Variants in ALK observed in about 807,000 individuals in gnomAD.
ALK encodes the protein ALK tyrosine kinase receptor.
ALK carries 74 observed loss-of-function variants against 163.1 expected under a neutral mutation model. The ratio of observed to expected loss-of-function variants is 0.45; its 90% CI spans 0.38 to 0.55. The LOEUF is 0.55. Among genes scored for constraint, ALK ranks in the 20% least tolerant of loss-of-function variants. The probability of loss-of-function intolerance (pLI) is 0.00; values close to 1 mark genes in which losing one functional copy is unlikely to be tolerated. For synonymous variants in ALK, 960 were observed against 843.2 expected (o/e 1.14, Z -2.40); for missense variants, 2,063 against 2,105.3 (o/e 0.98, Z 0.39).
At chr2:29,250,511 G>A (rs1664789804) in intron 12 of ALK, among the ~76,000 whole-genome samples, 2 of 152,078 alleles carry the variant, frequency 1.3e-5, no homozygotes, top group African/African-American at 2.4e-5. Context: ...TTGCAATCAG[G>A]GTCTCCACCA....
chr2:29,835,623 C>G (rs544696912), intron 1 of ALK, among the ~76,000 whole-genome samples: 3 of 152,108 alleles, frequency 2.0e-5, no homozygotes, highest in Non-Finnish European at 4.4e-5. Context: ...GCCTGTGTCC[C>G]CACTCAAATC....
chr2:29,578,364 G>A (rs1363396839), intron 3 of ALK, among the ~76,000 whole-genome samples: 2 of 152,212 alleles, frequency 1.3e-5, no homozygotes, highest in South Asian at 2.1e-4. Flanking sequence ...AGCAGCATGA[G>A]AACAGACTAA....
At chr2:29,819,142 C>T (rs1444074720) in intron 1 of ALK, among the ~76,000 whole-genome samples, 1 of 152,206 alleles carries the variant, frequency 6.6e-6, no homozygotes, top group Admixed American at 6.5e-5. Context: ...GAATCTCAGC[C>T]TCCAACCAGA....
At chr2:29,618,254 TA>T (rs764837658) in intron 3 of ALK, among the ~76,000 whole-genome samples, 4 of 152,240 alleles carry the variant, frequency 2.6e-5, no homozygotes, top group Non-Finnish European at 5.9e-5. Context: ...AGTTGTGATT[TA>T]AGTACCAGAG....
chr2:29,544,171 C>A (rs981883404), intron 3 of ALK, among the ~76,000 whole-genome samples: 2 of 152,142 alleles, frequency 1.3e-5, no homozygotes, highest in Non-Finnish European at 2.9e-5. Flanking sequence ...AGAAGGAGTG[C>A]AGTGTAATGC....
chr2:29,755,181 G>A (rs559119316), intron 1 of ALK, among the ~76,000 whole-genome samples: 2 of 152,334 alleles, frequency 1.3e-5, no homozygotes, highest in African/African-American at 2.4e-5. Flanking sequence ...AGAAGCTGGC[G>A]ACCAGCACTG....
chr2:29,790,584 C>T (rs562053587), intron 1 of ALK, among the ~76,000 whole-genome samples: 40 of 152,256 alleles, frequency 2.6e-4, no homozygotes, highest in African/African-American at 9.4e-4. Flanking sequence ...GGAACACACA[C>T]ACACAAAATC....
chr2:29,479,297 C>A (rs190014674), intron 4 of ALK, among the ~76,000 whole-genome samples: 36 of 152,332 alleles, frequency 2.4e-4, no homozygotes, highest in South Asian at 1.2e-3. Flanking sequence ...TCTGAGACCT[C>A]AACCACAGCC....
chr2:29,765,455 G>A (rs144163819), intron 1 of ALK, among the ~76,000 whole-genome samples: 298 of 152,110 alleles, frequency 2.0e-3, no homozygotes, highest in Admixed American at 3.7e-3. Context: ...ATCAGAGTGA[G>A]CTTGCTTTTA....
At chr2:29,906,802 G>A (rs542450694) in intron 1 of ALK, among the ~76,000 whole-genome samples, 98 of 152,232 alleles carry the variant, frequency 6.4e-4, no homozygotes, top group Non-Finnish European at 1.1e-3. Flanking sequence ...AATGGTAGCT[G>A]TTATCATTAA....
intron 1 of ALK, among the ~76,000 whole-genome samples, chr2:29,752,718 T>C (rs545255729): frequency 3.3e-5 from 5 of 152,306 alleles, no homozygotes; most frequent in African/African-American, 1.2e-4. Context: ...GGAGCTTCTA[T>C]ACCCTGTTGT....
Position 29,227,074 on chromosome 2 carries a change from A to G in ALK, c.2915T>C (p.Val972Ala), listed in dbSNP as rs1664022802. The change falls in exon 18 of 29, where the codon GTG becomes GCG. Residue 972 changes from valine (V) to alanine (A), a missense_variant and splice_region_variant. Physicochemically the swap from Val to Ala is moderately conservative, Grantham distance 64. Transcript: ENST00000389048. This position sits in a 1 kb window ranked among gnomAD's most constrained non-coding sequence, Gnocchi z 4.4. ...LGILYTPALK[V>A]MEGHGEVNIK... ...ATTCACTTCCCCGTGGCCTTCCATC[A>G]CTAGTGACAAGGAGGGAGGGTCAGT... 1 of 1,614,090 alleles carries G rather than the reference A, an allele frequency of 6.2e-7. No homozygotes were observed. The highest frequency in any genetic ancestry group is 8.5e-7 in the Non-Finnish European group (1 of 1,180,014).
chr2:29,508,208 C>G (rs924870255), intron 4 of ALK, among the ~76,000 whole-genome samples: 2 of 152,162 alleles, frequency 1.3e-5, no homozygotes, highest in Non-Finnish European at 2.9e-5. Flanking sequence ...TGAAACTGTT[C>G]TGGCCTCTAG....
intron 3 of ALK, among the ~76,000 whole-genome samples, chr2:29,568,213 G>A (rs771054897): frequency 6.6e-6 from 1 of 152,180 alleles, no homozygotes; most frequent in Non-Finnish European, 1.5e-5. Flanking sequence ...GCACTGAACT[G>A]AAAAAGTGGT....
chr2:29,594,379 C>T (rs1252404803), intron 3 of ALK, among the ~76,000 whole-genome samples: 3 of 149,288 alleles, frequency 2.0e-5, no homozygotes, highest in East Asian at 2.0e-4. Context: ...ATGGTGGCAA[C>T]ATTTACACTA....
At chr2:29,743,420 G>C (rs1195675331) in intron 1 of ALK, among the ~76,000 whole-genome samples, 1 of 152,144 alleles carries the variant, frequency 6.6e-6, no homozygotes, top group Non-Finnish European at 1.5e-5. Context: ...ACTCACCTTG[G>C]TGGTATAAAA....
intron 4 of ALK, among the ~76,000 whole-genome samples, chr2:29,520,580 C>A (rs1672784022): frequency 6.6e-6 from 1 of 152,098 alleles, no homozygotes; most frequent in Non-Finnish European, 1.5e-5. Context: ...GCTCTGCTCA[C>A]AGAAGGTCTG....
intron 4 of ALK, among the ~76,000 whole-genome samples, chr2:29,461,261 T>G (rs932125194): frequency 6.6e-6 from 1 of 152,182 alleles, no homozygotes; most frequent in Non-Finnish European, 1.5e-5. Flanking sequence ...CAAGTGCTGA[T>G]GGAGAAGCTG....
intron 5 of ALK, among the ~76,000 whole-genome samples, chr2:29,379,600 G>A (rs1351253801): frequency 1.3e-5 from 2 of 152,112 alleles, no homozygotes; most frequent in Non-Finnish European, 2.9e-5. Context: ...ACATTTCCTG[G>A]CCCCAGGAAA....
Sources: allele counts gnomAD v4.1 joint callset (sites outside exome capture counted in the v4.1 genomes callset), GRCh38; gene constraint gnomAD v4.1.1; non-coding constraint Gnocchi (gnomAD v3.1); transcripts MANE v1.5; gene names NCBI Gene and HGNC (gene_info 2026-07-23, HGNC 2026-07-21).